Variants in DLGAP2 observed in about 807,000 individuals in gnomAD.
The protein encoded by DLGAP2 is disks large-associated protein 2.
A neutral mutation model predicts 100.3 loss-of-function variants in DLGAP2; 26 were observed. The observed-to-expected ratio is 0.26, with a 90% CI of 0.19 to 0.36. The LOEUF is 0.36. Ranked by LOEUF, DLGAP2 falls within the 10% of genes least tolerant of loss-of-function variation. The pLI is 1.00. For synonymous variants in DLGAP2, 886 were observed against 630.1 expected (o/e 1.41, Z -6.08); for missense variants, 1,858 against 1,453.2 (o/e 1.28, Z -4.53).
At chr8:1,408,010 G>A (rs187642960) in intron 3 of DLGAP2, among the ~76,000 whole-genome samples, 68 of 152,334 alleles carry the variant, frequency 4.5e-4, no homozygotes, top group African/African-American at 1.6e-3. Context: ...AGCATCGCTG[G>A]ACTCAGCACT....
At chr8:828,764 A>G (rs990956949) in intron 1 of DLGAP2, among the ~76,000 whole-genome samples, 6 of 152,224 alleles carry the variant, frequency 3.9e-5, no homozygotes, top group African/African-American at 1.4e-4. Flanking sequence ...GGCATAAGAA[A>G]TTACAAAAGT....
intron 2 of DLGAP2, among the ~76,000 whole-genome samples, chr8:955,175 G>A (rs987392225): frequency 1.3e-5 from 2 of 152,032 alleles, no homozygotes; most frequent in Middle Eastern, 3.2e-3. Flanking sequence ...AAGCTCACCC[G>A]TGTATGCTGT....
intron 2 of DLGAP2, among the ~76,000 whole-genome samples, chr8:973,286 C>T (rs1004102688): frequency 2.9e-4 from 43 of 147,880 alleles, no homozygotes; most frequent in African/African-American, 8.1e-4. Flanking sequence ...GGCAGCTGGC[C>T]GGGCGGGGGC....
chr8:1,386,904 A>G (rs921480040), intron 3 of DLGAP2, among the ~76,000 whole-genome samples: 3 of 152,176 alleles, frequency 2.0e-5, no homozygotes, highest in African/African-American at 7.2e-5. Flanking sequence ...CACATTAAAA[A>G]GTAAAGTAAT....
chr8:983,328 G>C (rs1431908150), intron 2 of DLGAP2, among the ~76,000 whole-genome samples: 1 of 149,742 alleles, frequency 6.7e-6, no homozygotes, highest in African/African-American at 2.5e-5. Flanking sequence ...GTTGGTGGAA[G>C]GTACAGGTCG....
chr8:1,556,273 C>T (rs1027922834), intron 5 of DLGAP2, among the ~76,000 whole-genome samples: 3 of 152,240 alleles, frequency 2.0e-5, no homozygotes, highest in African/African-American at 7.2e-5. Flanking sequence ...CTGTCCTCTC[C>T]CTCCCAGGGC....
intron 3 of DLGAP2, among the ~76,000 whole-genome samples, chr8:1,314,965 G>A (rs967992115): frequency 2.0e-5 from 3 of 152,196 alleles, no homozygotes; most frequent in Admixed American, 6.5e-5. Flanking sequence ...CTGAAAGGGT[G>A]ACCTATCCCA....
At position 1,527,602 on chromosome 8, in the gene DLGAP2, A is replaced by G. The variant is rs548335733; in HGVS notation, c.173-21024A>G. Among the ~76,000 whole-genome samples the G allele has an allele frequency of 2.0e-5, 3 of 152,346 alleles. No individual in the cohort carries two copies. In the East Asian group the frequency reaches 5.8e-4, roughly 29 times the overall value. ...AGTGAGAAAAGTTTCTATTTTTCCT[A>G]AGGAAAGAAGAGAACTGAAATACGC... On this transcript the variant is annotated intron_variant, in intron 4 of 14. Transcript: ENST00000637795.
At chr8:956,427 C>G (rs971151983) in intron 2 of DLGAP2, among the ~76,000 whole-genome samples, 2 of 152,170 alleles carry the variant, frequency 1.3e-5, no homozygotes, top group Non-Finnish European at 2.9e-5. Flanking sequence ...TCACTGCAGG[C>G]TGGTGTGGCC....
rs558337017 is a variant in DLGAP2 at position 1,029,776 on chromosome 8, C to T, written c.73+121810C>T. Among the ~76,000 whole-genome samples the T allele has an allele frequency of 6.6e-4, 100 of 152,242 alleles. 2 individuals carry two copies. The highest frequency in any genetic ancestry group is 6.5e-3 in the Admixed American group (100 of 15,292). On this transcript the variant is annotated intron_variant, in intron 2 of 14. Transcript: ENST00000637795. ...AAGTCAAAGGGGGATGGAGAGAAGG[C>T]CATGAGCACCAAAAATGCGTCCTTG...
At chr8:1,345,295 T>C (rs956445171) in intron 3 of DLGAP2, among the ~76,000 whole-genome samples, 7 of 108,324 alleles carry the variant, frequency 6.5e-5, no homozygotes, top group African/African-American at 2.1e-4. Context: ...GAGGTTCAGT[T>C]CCTTCAGAGC....
At chr8:885,522 G>A (rs1399260678) in intron 1 of DLGAP2, among the ~76,000 whole-genome samples, 1 of 152,148 alleles carries the variant, frequency 6.6e-6, no homozygotes, top group Non-Finnish European at 1.5e-5. Flanking sequence ...AAGTTTTTGG[G>A]CTGAGGTGAT....
Position 1,208,898 on chromosome 8 carries a change from AAATAAATAAAT to A in DLGAP2, c.74-49950_74-49940del, listed in dbSNP as rs1177333844. 1.2e-3 allele frequency among the ~76,000 whole-genome samples: 187 copies of A among 151,336 alleles called. 4 individuals carry two copies. The highest frequency in any genetic ancestry group is 0.011 in the Admixed American group (167 of 15,218). The stretch of plus-strand genomic sequence containing the variant: ...TAAATAAATAAATAAATAAATAAAT[AAATAAATAAAT>A]AAAATGCTTAGGAATATACCTAACC... On this transcript the variant is annotated intron_variant, in intron 2 of 14. Transcript: ENST00000637795.
chr8:1,038,007 C>G (rs913547015), intron 2 of DLGAP2, among the ~76,000 whole-genome samples: 1 of 152,186 alleles, frequency 6.6e-6, no homozygotes, highest in Non-Finnish European at 1.5e-5. Context: ...TAGTGTGTAA[C>G]TAGAGGCTGG....
chr8:1,212,659 G>A (rs1209938407), intron 2 of DLGAP2, among the ~76,000 whole-genome samples: 1 of 152,058 alleles, frequency 6.6e-6, no homozygotes, highest in Non-Finnish European at 1.5e-5. Flanking sequence ...GGTTTTGGAG[G>A]ACTGTTGCCA....
chr8:890,998 T>C (rs1474752008), intron 1 of DLGAP2, among the ~76,000 whole-genome samples: 1 of 151,918 alleles, frequency 6.6e-6, no homozygotes, highest in East Asian at 1.9e-4. Context: ...TGCTATTGGG[T>C]TTGCAGGGCT....
chr8:1,496,700 G>A (rs563335956), intron 3 of DLGAP2, among the ~76,000 whole-genome samples: 2 of 152,192 alleles, frequency 1.3e-5, no homozygotes, highest in Non-Finnish European at 2.9e-5. Context: ...TTTCTCTGAA[G>A]CTCAAGGGTG....
intron 3 of DLGAP2, among the ~76,000 whole-genome samples, chr8:1,313,893 C>G (rs938484522): frequency 9.9e-5 from 15 of 152,120 alleles, no homozygotes; most frequent in African/African-American, 3.6e-4. Context: ...TCAAATCCAC[C>G]TGACCCCCAA....
chr8:1,022,339 G>A (rs1234603870), intron 2 of DLGAP2, among the ~76,000 whole-genome samples: 5 of 147,930 alleles, frequency 3.4e-5, no homozygotes, highest in African/African-American at 1.3e-4. Context: ...ACGGTCCCGT[G>A]CCGAGGTAGA....
Sources: gnomAD v4.1 joint callset for allele counts (sites outside exome capture counted in the v4.1 genomes callset) on GRCh38, gnomAD v4.1.1 for gene constraint, MANE v1.5 for transcripts, NCBI Gene and HGNC (gene_info 2026-07-23, HGNC 2026-07-21) for gene names.